The following PRRX2 variants were observed in gnomAD, a reference collection of about 807,000 sequenced individuals.
PRRX2 encodes the protein paired mesoderm homeobox protein 2.
A neutral mutation model predicts 18.0 loss-of-function variants in PRRX2; 11 were observed. The ratio of observed to expected loss-of-function variants is 0.61; its 90% CI spans 0.39 to 1.01. The LOEUF (loss-of-function observed/expected upper bound fraction) is 1.01. Ranked by LOEUF, PRRX2 falls within the 50% of genes least tolerant of loss-of-function variation. PRRX2 has a pLI of 0.01. For synonymous variants in PRRX2, 177 were observed against 154.8 expected, an observed-to-expected ratio of 1.14 and a Z score of -1.06; for missense variants, 387 against 351.0, an observed-to-expected ratio of 1.10 and a Z score of -0.82.
At chr9:129,684,646 C>T (rs532894991) in intron 1 of PRRX2, among the ~76,000 whole-genome samples, 6 of 152,166 alleles carry the variant, frequency 3.9e-5, no homozygotes, top group Middle Eastern at 3.4e-3. Context: ...GCTGATTGGC[C>T]GAGGCCTGGG....
intron 1 of PRRX2, among the ~76,000 whole-genome samples, chr9:129,716,788 AATATTACACAT>A (rs1403626199): frequency 6.6e-6 from 1 of 152,112 alleles, no homozygotes; most frequent in African/African-American, 2.4e-5. Flanking sequence ...AAAGGGAGAA[AATATTACACAT>A]ATTTTGTTAT....
chr9:129,666,574 C>A (rs1385436476), intron 1 of PRRX2, among the ~76,000 whole-genome samples: 1 of 140,548 alleles, frequency 7.1e-6, no homozygotes, highest in East Asian at 2.1e-4. Context: ...CCTGCCCACC[C>A]CCCCCCACCC....
intron 1 of PRRX2, among the ~76,000 whole-genome samples, chr9:129,673,973 G>C (rs1411911784): frequency 6.6e-6 from 1 of 152,130 alleles, no homozygotes; most frequent in African/African-American, 2.4e-5. Flanking sequence ...ACGTGGGGCA[G>C]GGGGGCAGGT....
At chr9:129,677,613 G>T (rs369231053) in intron 1 of PRRX2, among the ~76,000 whole-genome samples, 1 of 152,238 alleles carries the variant, frequency 6.6e-6, no homozygotes, top group African/African-American at 2.4e-5. Context: ...ATGGTCAGGC[G>T]GGGAGGCTCC....
At chr9:129,707,262 AAAATAAAT>A (rs535096597) in intron 1 of PRRX2, among the ~76,000 whole-genome samples, 3 of 152,076 alleles carry the variant, frequency 2.0e-5, no homozygotes, top group Non-Finnish European at 4.4e-5. Flanking sequence ...TCTGTCTCAA[AAAATAAAT>A]AAATAAATAA....
intron 1 of PRRX2, 131 bp from the exon 2 acceptor site, chr9:129,719,100 G>T (rs1832751093): frequency 1.2e-6 from 1 of 816,578 alleles, no homozygotes; most frequent in Non-Finnish European, 1.8e-6. Context: ...AGGAATGAGG[G>T]AGTGAATTAA....
intron 3 of PRRX2, 63 bp downstream of exon 3, chr9:129,720,837 C>T (rs1397549545): frequency 1.6e-5 from 23 of 1,437,572 alleles, no homozygotes; most frequent in Non-Finnish European, 1.9e-5. Context: ...AGGGCTTTTC[C>T]GGCCTGGACT....
At position 129,722,478 on chromosome 9, in the gene PRRX2, G is replaced by A. The variant is rs756253077; in HGVS notation, c.*126G>A. 61 of 1,146,700 alleles carry A rather than the reference G, an allele frequency of 5.3e-5. No homozygotes were observed. The highest frequency in any genetic ancestry group is 6.5e-5 in the Non-Finnish European group (58 of 886,188). The allele number at this position is 1,146,700 out of a possible 1,614,324, so 71.0% of individuals were successfully genotyped here. A position where few individuals can be genotyped will look rare whatever the true frequency, so the allele number is the denominator to read the frequency against. ...GCCCGTCTGTCCAGCCTGGACTCCC[G>A]AGCCCACGAGGCTGTTGAGGCCCCT... On this transcript the variant is annotated 3_prime_UTR_variant, in exon 4 of 4. Transcript: ENST00000372469.
chr9:129,707,914 A>G (rs566389810), intron 1 of PRRX2, among the ~76,000 whole-genome samples: 6 of 152,146 alleles, frequency 3.9e-5, no homozygotes, highest in South Asian at 2.1e-4. Flanking sequence ...TGGTAAGTCT[A>G]TGTTTCACCT....
chr9:129,671,542 C>T lies in PRRX2; in HGVS notation c.259+5416C>T, dbSNP rs868708179. Among the ~76,000 whole-genome samples the T allele has an allele frequency of 6.6e-6, 1 of 152,218 alleles. No individual in the cohort carries two copies. Among genetic ancestry groups the T allele is most frequent in the Non-Finnish European group, 1.5e-5 (1 of 68,030 alleles). On this transcript the variant is annotated intron_variant, in intron 1 of 3. Transcript: ENST00000372469. The surrounding 1 kb of genome is among the most constrained non-coding windows in gnomAD (Gnocchi z 4.0). ...CTTGGAGCAGTAGTGACAGCGCCGGCTTACACACCTCCCTTGAGGCCTGAA... is the reference window on the plus strand; with the variant it reads ...CTTGGAGCAGTAGTGACAGCGCCGGTTTACACACCTCCCTTGAGGCCTGAA...
intron 1 of PRRX2, among the ~76,000 whole-genome samples, chr9:129,667,560 G>A (rs73670153): frequency 0.038 from 5,853 of 152,130 alleles, 362 homozygotes; most frequent in African/African-American, 0.13. Flanking sequence ...GGAAAGGAGA[G>A]AGAGAGGGAG....
intron 1 of PRRX2, among the ~76,000 whole-genome samples, chr9:129,700,783 A>C (rs1832484053): frequency 6.6e-6 from 1 of 151,472 alleles, no homozygotes; most frequent in Non-Finnish European, 1.5e-5. Flanking sequence ...ATGCCCGGCT[A>C]ATGTTTTAAT....
rs541327441 is a variant in PRRX2 at position 129,720,961 on chromosome 9, C to T, written c.626+187C>T. On this transcript the variant is annotated intron_variant, in intron 3 of 3. Coordinates refer to ENST00000372469, the MANE Select transcript of PRRX2 (RefSeq NM_016307.4). The stretch of plus-strand genomic sequence containing the variant: ...GAGTGGGTGTTCACGAGCACCTGCA[C>T]GTGCATGTTGTAAGAGTTGGCATGT... Among the ~76,000 whole-genome samples, 3 of 152,266 alleles carry T rather than the reference C, an allele frequency of 2.0e-5. No homozygotes were observed. The East Asian group carries it at 5.8e-4, about 29-fold the overall frequency.
intron 1 of PRRX2, among the ~76,000 whole-genome samples, chr9:129,686,431 C>T (rs1419152503): frequency 6.6e-6 from 1 of 152,192 alleles, no homozygotes; most frequent in Non-Finnish European, 1.5e-5. Flanking sequence ...ACTGCAGTCT[C>T]CATGTCCTGG....
chr9:129,666,422 T>TA (rs1472334811), intron 1 of PRRX2, among the ~76,000 whole-genome samples: 1 of 152,070 alleles, frequency 6.6e-6, no homozygotes, highest in Non-Finnish European at 1.5e-5. Context: ...GCTGCCGGGT[T>TA]ACAACTGGGG....
chr9:129,680,535 C>A (rs1455590622), intron 1 of PRRX2, among the ~76,000 whole-genome samples: 1 of 140,766 alleles, frequency 7.1e-6, no homozygotes, highest in East Asian at 2.5e-4. Context: ...ATCACGTTCC[C>A]TTCACAGATG....
At chr9:129,708,233 A>T (rs557300157) in intron 1 of PRRX2, among the ~76,000 whole-genome samples, 11 of 152,204 alleles carry the variant, frequency 7.2e-5, no homozygotes, top group Admixed American at 5.2e-4. Context: ...ACGGAGTTTC[A>T]CCATGTTGGT....
At chr9:129,676,176 G>C (rs7874227) in intron 1 of PRRX2, among the ~76,000 whole-genome samples, 94 of 152,292 alleles carry the variant, frequency 6.2e-4, no homozygotes, top group African/African-American at 2.1e-3. Flanking sequence ...TCCTTGCTGA[G>C]AGCCCATGTC....
rs1832415457 is a variant in PRRX2, at chr9:129,695,937, T to G, written c.260-23294T>G. On this transcript the variant is annotated intron_variant, in intron 1 of 3. Coordinates refer to ENST00000372469, the MANE Select transcript of PRRX2 (RefSeq NM_016307.4). This position sits in a 1 kb window ranked among gnomAD's most constrained non-coding sequence, Gnocchi z 4.8. The stretch of plus-strand genomic sequence containing the variant: ...CCCATTTTAAGGGTGAACATGGCAC[T>G]TTGATGTGGCCCCATTTCCTTATAA... Among the ~76,000 whole-genome samples, 1 of 152,208 alleles carries G rather than the reference T, an allele frequency of 6.6e-6. No homozygotes were observed. The highest frequency in any genetic ancestry group is 1.5e-5 in the Non-Finnish European group (1 of 68,048).
Sources: gnomAD v4.1 joint callset for allele counts (sites outside exome capture counted in the v4.1 genomes callset) on GRCh38, gnomAD v4.1.1 for gene constraint, Gnocchi (gnomAD v3.1) non-coding constraint, MANE v1.5 for transcripts, NCBI Gene and HGNC (gene_info 2026-07-23, HGNC 2026-07-21) for gene names.